Variants in ACACA observed in about 807,000 individuals in gnomAD.
The protein encoded by ACACA is acetyl-CoA carboxylase alpha.
Under a neutral mutation model 296.1 loss-of-function variants are expected in ACACA, and 103 were observed. The ratio of observed to expected loss-of-function variants is 0.35; its 90% CI spans 0.30 to 0.41. ACACA has a LOEUF of 0.41. ACACA is among the 10% of genes least tolerant of loss of function. The pLI is 1.00. For synonymous variants in ACACA, 953 were observed against 1,038.6 expected, an observed-to-expected ratio of 0.92 and a Z score of 1.58; for missense variants, 1,554 against 2,989.7, an observed-to-expected ratio of 0.52 and a Z score of 11.20.
intron 1 of ACACA, among the ~76,000 whole-genome samples, chr17:37,400,131 T>G (rs2051230967): frequency 6.6e-6 from 1 of 152,136 alleles, no homozygotes; most frequent in Non-Finnish European, 1.5e-5. Flanking sequence ...TGTTTGTTTT[T>G]GTTTTTGAGA....
chr17:37,284,214 A>C (rs1488012844), intron 4 of ACACA, among the ~76,000 whole-genome samples: 1 of 152,174 alleles, frequency 6.6e-6, no homozygotes, highest in Non-Finnish European at 1.5e-5. Context: ...TGGAATCTCT[A>C]AGTATATCAT....
intron 29 of ACACA, 52 bp from the exon 30 acceptor site, chr17:37,210,542 T>C (rs2078699326): frequency 6.4e-7 from 1 of 1,561,992 alleles, no homozygotes; most frequent in Non-Finnish European, 8.8e-7. Context: ...AAAGCCATAA[T>C]AAAAGAATTG....
intron 28 of ACACA, 151 bp from the exon 29 acceptor site, chr17:37,221,993 C>T (rs998616807): frequency 5.9e-6 from 4 of 679,342 alleles, no homozygotes; most frequent in Admixed American, 2.4e-5. Flanking sequence ...ACATATATTG[C>T]TTTAATTAAT....
At chr17:37,139,485 C>G (rs929489658) in intron 45 of ACACA, among the ~76,000 whole-genome samples, 1 of 152,202 alleles carries the variant, frequency 6.6e-6, no homozygotes, top group African/African-American at 2.4e-5. Context: ...AGCAGTTTAG[C>G]TTGTGTTTGT....
chr17:37,349,004 T>C (rs1396193629), intron 1 of ACACA, among the ~76,000 whole-genome samples: 1 of 151,194 alleles, frequency 6.6e-6, no homozygotes, highest in Non-Finnish European at 1.5e-5. Context: ...ATCGTAAATA[T>C]ATGTTAAAAC....
At chr17:37,310,013 G>A (rs941620169) in intron 3 of ACACA, among the ~76,000 whole-genome samples, 1 of 152,028 alleles carries the variant, frequency 6.6e-6, no homozygotes, top group African/African-American at 2.4e-5. Context: ...CTCCAGCCTG[G>A]GTGACAGAGC....
intron 1 of ACACA, among the ~76,000 whole-genome samples, chr17:37,364,246 G>A (rs569869983): frequency 5.3e-5 from 8 of 152,124 alleles, no homozygotes; most frequent in East Asian, 1.9e-4. Flanking sequence ...GCAGTGAGCC[G>A]AGATTGCACC....
chr17:37,240,613 T>C, intron 23 of ACACA, 49 bp from the exon 24 acceptor site: 4 of 1,535,142 alleles, frequency 2.6e-6, no homozygotes, highest in South Asian at 1.2e-5. Context: ...TCCAACACTA[T>C]TAAGCAATAA....
At chr17:37,384,721 A>C (rs2050452669) in intron 1 of ACACA, among the ~76,000 whole-genome samples, 1 of 152,112 alleles carries the variant, frequency 6.6e-6, no homozygotes, top group African/African-American at 2.4e-5. Flanking sequence ...TGTTGACTTT[A>C]TGTCTGTCTC....
At chr17:37,263,589 G>A (rs934751856) in intron 11 of ACACA, 96 bp downstream of exon 11, 39 of 1,062,248 alleles carry the variant, frequency 3.7e-5, no homozygotes, top group East Asian at 4.7e-5. Flanking sequence ...ATTCAGAATC[G>A]TTGCTTAAAA....
chr17:37,368,290 A>T (rs565619778), intron 1 of ACACA, among the ~76,000 whole-genome samples: 5 of 151,874 alleles, frequency 3.3e-5, no homozygotes, highest in African/African-American at 9.7e-5. Context: ...AATAAATAAA[A>T]AATTCAGTGG....
intron 39 of ACACA, among the ~76,000 whole-genome samples, 192 bp downstream of exon 39, chr17:37,188,085 T>C (rs1474285523): frequency 1.3e-5 from 2 of 152,218 alleles, no homozygotes; most frequent in Admixed American, 6.5e-5. Flanking sequence ...ATAACATCCA[T>C]GATAGAGAAC....
At chr17:37,141,189 GA>G (rs1419885018) in intron 45 of ACACA, 4 of 548,632 alleles carry the variant, frequency 7.3e-6, no homozygotes, top group African/African-American at 5.6e-5. Flanking sequence ...AGGTCCCCAC[GA>G]AAAAGTTAGT....
chr17:37,174,626 G>T (rs149534516), intron 41 of ACACA, among the ~76,000 whole-genome samples: 1 of 151,716 alleles, frequency 6.6e-6, no homozygotes, highest in Non-Finnish European at 1.5e-5. Flanking sequence ...TCTGCCTCCC[G>T]GGTTCAAGCG....
At chr17:37,242,324 A>T (rs1310269560) in intron 22 of ACACA, among the ~76,000 whole-genome samples, 3 of 152,214 alleles carry the variant, frequency 2.0e-5, no homozygotes, top group Non-Finnish European at 2.9e-5. Context: ...TTCAAGGTCA[A>T]GATCCAAACA....
At chr17:37,192,775 A>G (rs2077815338) in intron 36 of ACACA, among the ~76,000 whole-genome samples, 1 of 152,188 alleles carries the variant, frequency 6.6e-6, no homozygotes, top group Non-Finnish European at 1.5e-5. Flanking sequence ...GAAACATCAT[A>G]CAATTTTTTA....
intron 45 of ACACA, chr17:37,141,424 G>C (rs1157968232): frequency 1.4e-5 from 4 of 291,958 alleles, no homozygotes; most frequent in Non-Finnish European, 1.3e-5. Context: ...CCCACACCTG[G>C]CTAATTTTTT....
At chr17:37,197,215 C>CAA (rs2078043400) in intron 35 of ACACA, among the ~76,000 whole-genome samples, 1 of 152,170 alleles carries the variant, frequency 6.6e-6, no homozygotes, top group South Asian at 2.1e-4. Flanking sequence ...CACTGTCATC[C>CAA]AAATCAGTAC....
chr17:37,102,205 T>C (rs2073403233), intron 52 of ACACA, among the ~76,000 whole-genome samples: 1 of 146,562 alleles, frequency 6.8e-6, no homozygotes, highest in Non-Finnish European at 1.5e-5. Flanking sequence ...AGCTCTTTTT[T>C]TTTTTTTTTT....
Sources: allele counts gnomAD v4.1 joint callset (sites outside exome capture counted in the v4.1 genomes callset), GRCh38; gene constraint gnomAD v4.1.1; transcripts MANE v1.5; gene names NCBI Gene and HGNC (gene_info 2026-07-23, HGNC 2026-07-21).